Variants in GRIK1 observed in about 807,000 individuals in gnomAD.
GRIK1 encodes glutamate ionotropic receptor kainate type subunit 1, also known as glutamate receptor ionotropic, kainate 1.
In GRIK1, 69 loss-of-function variants were observed where a neutral mutation model predicts 105.7. That is an observed-to-expected ratio of 0.65 (90% CI 0.54 to 0.80). GRIK1 has a LOEUF of 0.80. GRIK1 is among the 30% of genes least tolerant of loss of function. The pLI, the probability that GRIK1 is intolerant of heterozygous loss-of-function variation, is 0.00. For synonymous variants in GRIK1, 438 were observed against 431.3 expected (o/e 1.02, Z -0.19); for missense variants, 1,109 against 1,167.3 (o/e 0.95, Z 0.73).
chr21:29,828,330 G>A (rs1159419968), intron 1 of GRIK1, among the ~76,000 whole-genome samples: 4 of 151,950 alleles, frequency 2.6e-5, no homozygotes, highest in African/African-American at 9.7e-5. Context: ...AAAAACCTTA[G>A]TAATTGATTT....
At chr21:29,571,947 GCTCCA>G (rs1371538906) in intron 14 of GRIK1, among the ~76,000 whole-genome samples, 39 of 152,274 alleles carry the variant, frequency 2.6e-4, no homozygotes, top group Non-Finnish European at 2.6e-4. Context: ...TGATCAGGAT[GCTCCA>G]GGTTAGATTA....
intron 1 of GRIK1, among the ~76,000 whole-genome samples, chr21:29,893,608 A>G (rs1301781064): frequency 1.3e-5 from 2 of 152,236 alleles, no homozygotes; most frequent in African/African-American, 4.8e-5. Flanking sequence ...GCCTGGATAA[A>G]TGCTCACTAT....
intron 1 of GRIK1, among the ~76,000 whole-genome samples, chr21:29,916,818 G>A (rs2071016693): frequency 6.6e-6 from 1 of 151,890 alleles, no homozygotes; most frequent in Admixed American, 6.6e-5. Flanking sequence ...AAAATAAATA[G>A]ATATAATTGC....
intron 1 of GRIK1, among the ~76,000 whole-genome samples, chr21:29,786,491 A>T (rs1423280337): frequency 6.6e-6 from 1 of 152,018 alleles, no homozygotes; most frequent in Non-Finnish European, 1.5e-5. Context: ...CCTATTCTAA[A>T]TTCTATTACT....
At chr21:29,733,252 C>T (rs1394298225) in intron 1 of GRIK1, among the ~76,000 whole-genome samples, 1 of 152,020 alleles carries the variant, frequency 6.6e-6, no homozygotes, top group Non-Finnish European at 1.5e-5. Context: ...TATTTAAGAA[C>T]CAGCTCTCAA....
chr21:29,710,627 T>G (rs1198260552), intron 1 of GRIK1, among the ~76,000 whole-genome samples: 1 of 14,744 alleles, frequency 6.8e-5, no homozygotes, highest in East Asian at 6.2e-4. Context: ...CTATTATCTA[T>G]TTCAATGACT....
rs916007282 is a variant in GRIK1 at position 29,561,965 on chromosome 21, G to C, written c.2131-116C>G. Reference sequence around the variant, plus strand: ...TAGGGAGGATACTTTCTCCACAGGTGGGGGAGTCAAGATTGATGATCTCAA... The same window carrying C: ...TAGGGAGGATACTTTCTCCACAGGTCGGGGAGTCAAGATTGATGATCTCAA... On this transcript the variant is annotated intron_variant, in intron 14 of 17. Transcript: ENST00000327783. The C allele has an allele frequency of 7.5e-6, 5 of 663,710 alleles. No homozygotes were observed. The East Asian group carries it at 1.4e-4, about 18-fold the overall frequency. The allele number at this position is 663,710 out of a possible 1,614,324, so 41.1% of individuals were successfully genotyped here.
At chr21:29,714,377 C>A (rs1255215409) in intron 1 of GRIK1, among the ~76,000 whole-genome samples, 1 of 151,918 alleles carries the variant, frequency 6.6e-6, no homozygotes, top group Non-Finnish European at 1.5e-5. Context: ...AAGATATTAA[C>A]CAGGAAAAGC....
chr21:29,910,928 G>C (rs1228610496), intron 1 of GRIK1, among the ~76,000 whole-genome samples: 1 of 151,774 alleles, frequency 6.6e-6, no homozygotes, highest in African/African-American at 2.4e-5. Flanking sequence ...CTTATCATAA[G>C]TCTACACTGG....
At position 29,561,637 on chromosome 21, in the gene GRIK1, C is replaced by T. The variant is rs769762765; in HGVS notation, c.2343G>A (p.Val781=). ...GGLIDSKGYG[V]GTPIGSPYRD... ...TACCCGTCTTACCAATAGGTGTTCC[C>T]ACTCCGTAACCTTTGGAGTCAATGA... The change falls in exon 15 of 18, where the codon GTG becomes GTA. Residue 781 remains valine, a synonymous_variant. Transcript: ENST00000327783. The T allele has an allele frequency of 3.1e-6, 5 of 1,607,308 alleles. No individual in the cohort carries two copies. The African/African-American group carries it at 6.7e-5, about 21-fold the overall frequency.
At chr21:29,834,470 G>T (rs1053252232) in intron 1 of GRIK1, among the ~76,000 whole-genome samples, 1 of 151,128 alleles carries the variant, frequency 6.6e-6, no homozygotes, top group Non-Finnish European at 1.5e-5. Context: ...TGATGGATCT[G>T]CTTCCTTCAC....
chr21:29,815,621 A>G (rs2067134246), intron 1 of GRIK1, among the ~76,000 whole-genome samples: 1 of 152,176 alleles, frequency 6.6e-6, no homozygotes, highest in Non-Finnish European at 1.5e-5. Flanking sequence ...ACTCTAAAAT[A>G]CTATTATTAA....
chr21:29,574,026 T>A (rs2090823858), intron 14 of GRIK1, among the ~76,000 whole-genome samples: 1 of 152,204 alleles, frequency 6.6e-6, no homozygotes, highest in African/African-American at 2.4e-5. Flanking sequence ...AGTCAAAACT[T>A]TTTTCATGTA....
chr21:29,864,969 T>C (rs2068755771), intron 1 of GRIK1, among the ~76,000 whole-genome samples: 1 of 152,176 alleles, frequency 6.6e-6, no homozygotes, highest in South Asian at 2.1e-4. Context: ...CTAAGCATCC[T>C]ACAACATTCA....
At chr21:29,891,794 A>G (rs1041118835) in intron 1 of GRIK1, among the ~76,000 whole-genome samples, 1 of 152,328 alleles carries the variant, frequency 6.6e-6, no homozygotes, top group African/African-American at 2.4e-5. Flanking sequence ...CTGTTAAAAA[A>G]ATTTATATAC....
intron 7 of GRIK1, among the ~76,000 whole-genome samples, chr21:29,638,489 A>G (rs1420093330): frequency 1.3e-5 from 2 of 152,208 alleles, no homozygotes; most frequent in African/African-American, 4.8e-5. Flanking sequence ...AAGCCAAACC[A>G]TATCAGTTGT....
intron 1 of GRIK1, among the ~76,000 whole-genome samples, chr21:29,712,540 A>G (rs2064082714): frequency 6.6e-6 from 1 of 152,158 alleles, no homozygotes; most frequent in African/African-American, 2.4e-5. Context: ...ATTTCCAAGT[A>G]TTGTAAATAA....
intron 1 of GRIK1, among the ~76,000 whole-genome samples, chr21:29,914,819 CA>C (rs1021335847): frequency 5.3e-5 from 8 of 151,344 alleles, no homozygotes; most frequent in South Asian, 2.1e-4. Flanking sequence ...TTTGTGGGTG[CA>C]AAAAAAATAA....
At chr21:29,711,795 A>T (rs1033685164) in intron 1 of GRIK1, among the ~76,000 whole-genome samples, 4 of 152,014 alleles carry the variant, frequency 2.6e-5, no homozygotes, top group African/African-American at 7.2e-5. Flanking sequence ...TTCCTCATTG[A>T]CTCAAAAGTT....
Sources: allele counts gnomAD v4.1 joint callset (sites outside exome capture counted in the v4.1 genomes callset), GRCh38; gene constraint gnomAD v4.1.1; transcripts MANE v1.5; gene names NCBI Gene and HGNC (gene_info 2026-07-23, HGNC 2026-07-21).